Variants in NFKB2 observed in about 807,000 individuals in gnomAD.
The protein encoded by NFKB2 is nuclear factor NF-kappa-B p100 subunit.
In NFKB2, 21 loss-of-function variants were observed where a neutral mutation model predicts 109.3. The observed-to-expected ratio is 0.19, with a 90% confidence interval of 0.14 to 0.28. NFKB2 has a LOEUF of 0.28. Ranked by LOEUF, NFKB2 falls within the 10% of genes least tolerant of loss-of-function variation. The pLI is 1.00. For missense variants in NFKB2, 806 were observed against 1,185.3 expected, an observed-to-expected ratio of 0.68 and a Z score of 4.70; for synonymous variants, 478 against 489.9, an observed-to-expected ratio of 0.98 and a Z score of 0.32.
At chr10:102,399,985 TG>T in intron 14 of NFKB2, 94 bp from the exon 15 acceptor site, 2 of 1,316,376 alleles carry the variant, frequency 1.5e-6, no homozygotes, top group Non-Finnish European at 2.1e-6. Context: ...CTGGGTTCCA[TG>T]GGCCCCAGCG....
chr10:102,400,940 C>A lies in NFKB2; in HGVS notation c.1969-7C>A. On this transcript the variant is annotated splice_polypyrimidine_tract_variant and splice_region_variant and intron_variant, in intron 17 of 22. Transcript: ENST00000661543. The surrounding 1 kb of genome is among the most constrained non-coding windows in gnomAD (Gnocchi z 6.3). The stretch of plus-strand genomic sequence containing the variant: ...GTGGTGTCAACTCTCGCTGCTCGCA[C>A]CCCCAGCTCCGGGCCAACGTGAACG... The A allele has an allele frequency of 6.2e-7, 1 of 1,611,068 alleles. No individual in the cohort carries two copies. The highest frequency in any genetic ancestry group is 1.3e-5 in the African/African-American group (1 of 74,974).
rs2061164639 is a variant in NFKB2 at position 102,398,875 on chromosome 10, AC to A, written c.1117+12del. The A allele has an allele frequency of 6.3e-7, 1 of 1,584,450 alleles. No individual in the cohort carries two copies. On this transcript the variant is annotated intron_variant, in intron 12 of 22. Coordinates refer to ENST00000661543, the MANE Select transcript of NFKB2 (RefSeq NM_001322934.2). This position sits in a 1 kb window ranked among gnomAD's most constrained non-coding sequence, Gnocchi z 6.6. The stretch of plus-strand genomic sequence containing the variant: ...GAGGAGCTGGAGGAGGTGAGGGGGT[AC>A]TGATGGAGGGAGGGGTAAAGGTAAG...
Position 102,397,808 on chromosome 10 carries a change from G to A in NFKB2, c.661+123G>A. ...CCTGGCCCTGCCACATATGAGCTGA[G>A]TGATCCTGAGCAAGTCATTTCCCCC... is the stretch of plus-strand genomic sequence containing the variant. On this transcript the variant is annotated intron_variant, in intron 8 of 22. Transcript: ENST00000661543. This position sits in a 1 kb window ranked among gnomAD's most constrained non-coding sequence, Gnocchi z 4.7. 3 of 1,338,640 alleles carry A rather than the reference G, an allele frequency of 2.2e-6. No homozygotes were observed. Among genetic ancestry groups the A allele is most frequent in the Non-Finnish European group, 3.1e-6 (3 of 960,050 alleles). 82.9% of individuals were successfully genotyped at this position (1,338,640 alleles called of 1,614,324 possible). A position where few individuals can be genotyped will look rare whatever the true frequency, so the allele number is the denominator to read the frequency against.
In NFKB2 at chr10:102,397,138, C is replaced by T; in HGVS notation, c.395+83C>T. On this transcript the variant is annotated intron_variant, in intron 6 of 22. Transcript: ENST00000661543. The surrounding 1 kb of genome is among the most constrained non-coding windows in gnomAD (Gnocchi z 4.7). ...CAGCCCACCTCCATGAGCTTAGCAT[C>T]TGACCAAGGGGAAAGATGTAGGTTG... 1 of 1,572,402 alleles carries T rather than the reference C, an allele frequency of 6.4e-7. No individual in the cohort carries two copies. Among genetic ancestry groups the T allele is most frequent in the Non-Finnish European group, 8.7e-7 (1 of 1,154,424 alleles).
chr10:102,401,066 G>A lies in NFKB2; in HGVS notation c.2071+17G>A, dbSNP rs1284136326. ...TGAAGGCTGGTCAGTCTCACCCTCAGGGGCACTTGAACAGGGTGGGGGGAA... is the reference window on the plus strand; with the variant it reads ...TGAAGGCTGGTCAGTCTCACCCTCAAGGGCACTTGAACAGGGTGGGGGGAA... On this transcript the variant is annotated intron_variant, in intron 18 of 22. Coordinates refer to ENST00000661543, the MANE Select transcript of NFKB2 (RefSeq NM_001322934.2). This position sits in a 1 kb window ranked among gnomAD's most constrained non-coding sequence, Gnocchi z 4.2. 3 of 1,614,022 alleles carry A rather than the reference G, an allele frequency of 1.9e-6. No homozygotes were observed. Among genetic ancestry groups the A allele is most frequent in the Non-Finnish European group, 8.5e-7 (1 of 1,179,938 alleles).
At chr10:102,399,165 A>C in intron 12 of NFKB2, 123 bp from the exon 13 acceptor site, 1 of 987,032 alleles carries the variant, frequency 1.0e-6, no homozygotes, top group Non-Finnish European at 1.5e-6. Context: ...CAGTAAGCTG[A>C]GATCACACCA....
Position 102,401,691 on chromosome 10 carries a change from GT to G in NFKB2, c.2294-53del, listed in dbSNP as rs2061255498. 3 of 1,558,810 alleles carry G rather than the reference GT, an allele frequency of 1.9e-6. No individual in the cohort carries two copies. The Admixed American group carries it at 5.4e-5, about 28-fold the overall frequency. On this transcript the variant is annotated intron_variant, in intron 20 of 22. Coordinates refer to ENST00000661543, the MANE Select transcript of NFKB2 (RefSeq NM_001322934.2). This position sits in a 1 kb window ranked among gnomAD's most constrained non-coding sequence, Gnocchi z 4.2. ...AGAAAGGCAGTGTTCAGGTGTCCATGTCCCCACCCAACTCTGGAGGTAAATG... is the reference window on the plus strand; with the variant it reads ...AGAAAGGCAGTGTTCAGGTGTCCATGCCCCACCCAACTCTGGAGGTAAATG...
Position 102,396,893 on chromosome 10 carries a change from G to T in NFKB2, c.244-11G>T, listed in dbSNP as rs370015116. On this transcript the variant is annotated splice_polypyrimidine_tract_variant and intron_variant, in intron 5 of 22. Coordinates refer to ENST00000661543, the MANE Select transcript of NFKB2 (RefSeq NM_001322934.2). This position sits in a 1 kb window ranked among gnomAD's most constrained non-coding sequence, Gnocchi z 5.9. The stretch of plus-strand genomic sequence containing the variant: ...CCCAAGGCCCTGACTGACAGTCCCT[G>T]CCTCTCCTAGATCTGTAACTACGAG... 8 of 1,600,476 alleles carry T rather than the reference G, an allele frequency of 5.0e-6. No individual in the cohort carries two copies. Among genetic ancestry groups the T allele is most frequent in the Non-Finnish European group, 6.8e-6 (8 of 1,168,572 alleles).
chr10:102,399,044 C>A (rs1350905998), intron 12 of NFKB2, 180 bp downstream of exon 12: 3 of 759,476 alleles, frequency 4.0e-6, no homozygotes, highest in Non-Finnish European at 6.2e-6. Flanking sequence ...GAAACCTCGT[C>A]TCTACTAAAA....
chr10:102,399,653 G>C lies in NFKB2; in HGVS notation c.1404G>C (p.Ala468=). The C allele has an allele frequency of 6.5e-7, 1 of 1,534,964 alleles. No individual in the cohort carries two copies. The highest frequency in any genetic ancestry group is 1.2e-5 in the South Asian group (1 of 83,052). Residue 468 remains alanine, a synonymous_variant, in exon 14 of 23, where the codon GCG becomes GCC. Transcript: ENST00000661543. The stretch of plus-strand genomic sequence containing the variant: ...CCCTACTCGACTACGGCGTCACCGC[G>C]GACGCGCGCGCGCTGCTGGCGGGAC... ...ARALLDYGVT[A]DARALLAGQR...
rs2061141950 is a variant in NFKB2, at chr10:102,397,693, T to A, written c.661+8T>A. 1 of 1,598,682 alleles carries A rather than the reference T, an allele frequency of 6.3e-7. No homozygotes were observed. The highest frequency in any genetic ancestry group is 8.6e-7 in the Non-Finnish European group (1 of 1,167,754). On this transcript the variant is annotated splice_region_variant and intron_variant, in intron 8 of 22. Transcript: ENST00000661543. The surrounding 1 kb of genome is among the most constrained non-coding windows in gnomAD (Gnocchi z 4.7). ...AGCCCATCCATGACAGCAGTGAGTA[T>A]CCTGATTGCCTGGGGTGCCAGGCCT...
At chr10:102,399,249 G>A (rs1407499727) in intron 12 of NFKB2, 39 bp from the exon 13 acceptor site, 9 of 1,532,456 alleles carry the variant, frequency 5.9e-6, no homozygotes, top group Non-Finnish European at 7.9e-6. Context: ...GAGAGTCATG[G>A]CTGGTGCCCG....
chr10:102,402,218 T>A, intron 22 of NFKB2, 34 bp from the exon 23 acceptor site: 1 of 1,551,728 alleles, frequency 6.4e-7, no homozygotes, highest in Non-Finnish European at 8.7e-7. Flanking sequence ...CCTGAGGCTT[T>A]GACTATCCCA....
In NFKB2 at chr10:102,401,937, GC is replaced by G. The variant is rs745469100; in HGVS notation, c.2466+25del. ...TACGAGGTGGGTTGGCCTGTGCCCT[GC>G]CCCCTCCCCAGCCTCCTTTCCCGAT... On this transcript the variant is annotated intron_variant, in intron 21 of 22. Coordinates refer to ENST00000661543, the MANE Select transcript of NFKB2 (RefSeq NM_001322934.2). This position sits in a 1 kb window ranked among gnomAD's most constrained non-coding sequence, Gnocchi z 4.2. The G allele has an allele frequency of 1.1e-5, 17 of 1,603,320 alleles. No individual in the cohort carries two copies. The highest frequency in any genetic ancestry group is 1.4e-5 in the Non-Finnish European group (16 of 1,173,820).
At chr10:102,395,623 G>T (rs898938097), upstream of NFKB2, 1 of 458,482 alleles carries the variant, frequency 2.2e-6, no homozygotes, top group Non-Finnish European at 4.0e-6. Flanking sequence ...TCGCGAGGGC[G>T]GGGCCAGTGG....
chr10:102,401,304 G>A lies in NFKB2; in HGVS notation c.2196G>A (p.Thr732=), dbSNP rs369544913. ...KDTRSSFRGH[T]PLDLTCSTKV... Reference sequence around the variant, plus strand: ...CCCGAAGCAGCTTCCGGGGCCACACGCCTCTTGACCTCACTTGCAGCACCA... The same window carrying A: ...CCCGAAGCAGCTTCCGGGGCCACACACCTCTTGACCTCACTTGCAGCACCA... The change falls in exon 19 of 23, where the codon ACG becomes ACA. Residue 732 remains threonine (T), a synonymous_variant. Transcript: ENST00000661543. The surrounding 1 kb of genome is among the most constrained non-coding windows in gnomAD (Gnocchi z 4.2). 6.8e-6 allele frequency: 11 copies of A among 1,608,498 alleles called. No homozygotes were observed. The highest frequency in any genetic ancestry group is 1.7e-5 in the Admixed American group (1 of 59,496).
chr10:102,395,562 C>T, upstream of NFKB2: 2 of 340,446 alleles, frequency 5.9e-6, no homozygotes, highest in Non-Finnish European at 1.1e-5. Flanking sequence ...CCTCTGCCCG[C>T]TGAAAAGCAG....
In NFKB2 at chr10:102,398,326, C is replaced by T. The variant is rs1303155111; in HGVS notation, c.852+29C>T. 2 of 1,614,050 alleles carry T rather than the reference C, an allele frequency of 1.2e-6. No individual in the cohort carries two copies. Among genetic ancestry groups the T allele is most frequent in the South Asian group, 1.1e-5 (1 of 91,080 alleles). ...CCCAGGGCTAGGGCCCGGGCCCGGG[C>T]TGGGGGCTAAATTAGGCTAAGGACT... On this transcript the variant is annotated intron_variant, in intron 10 of 22. Coordinates refer to ENST00000661543, the MANE Select transcript of NFKB2 (RefSeq NM_001322934.2). The surrounding 1 kb of genome is among the most constrained non-coding windows in gnomAD (Gnocchi z 6.6).
In NFKB2 at chr10:102,397,706, G is replaced by A. The variant is rs376569201; in HGVS notation, c.661+21G>A. 7 of 1,594,672 alleles carry A rather than the reference G, an allele frequency of 4.4e-6. No individual in the cohort carries two copies. Among genetic ancestry groups the A allele is most frequent in the Non-Finnish European group, 5.2e-6 (6 of 1,165,014 alleles). On this transcript the variant is annotated intron_variant, in intron 8 of 22. Coordinates refer to ENST00000661543, the MANE Select transcript of NFKB2 (RefSeq NM_001322934.2). The surrounding 1 kb of genome is among the most constrained non-coding windows in gnomAD (Gnocchi z 4.7). ...CAGCAGTGAGTATCCTGATTGCCTG[G>A]GGTGCCAGGCCTGGTGGCAGAGGTG...
Sources: allele counts gnomAD v4.1 joint callset, GRCh38; gene constraint gnomAD v4.1.1; non-coding constraint Gnocchi (gnomAD v3.1); transcripts MANE v1.5; gene names NCBI Gene and HGNC (gene_info 2026-07-23, HGNC 2026-07-21).